Variants in ST8SIA6 observed in about 807,000 individuals in gnomAD.
The protein encoded by ST8SIA6 is alpha-2,8-sialyltransferase 8F.
Under a neutral mutation model 33.6 loss-of-function variants are expected in ST8SIA6, and 39 were observed. The observed-to-expected ratio is 1.16, with a 90% confidence interval of 0.90 to 1.52. ST8SIA6 has a LOEUF of 1.52. Ranked by LOEUF, ST8SIA6 falls within the 40% of genes most tolerant of loss-of-function variation. ST8SIA6 has a pLI of 0.00. For synonymous variants in ST8SIA6, 172 were observed against 167.2 expected, an observed-to-expected ratio of 1.03 and a Z score of -0.22; for missense variants, 441 against 443.8, an observed-to-expected ratio of 0.99 and a Z score of 0.06.
chr10:17,428,852 C>T (rs1006735364), intron 2 of ST8SIA6, among the ~76,000 whole-genome samples: 4 of 152,144 alleles, frequency 2.6e-5, no homozygotes, highest in Non-Finnish European at 5.9e-5. Context: ...GCTATGTTGC[C>T]GACCATCTCG....
At chr10:17,369,858 T>C (rs1459971807) in intron 3 of ST8SIA6, among the ~76,000 whole-genome samples, 1 of 152,226 alleles carries the variant, frequency 6.6e-6, no homozygotes, top group African/African-American at 2.4e-5. Context: ...CCAGCTTTCT[T>C]GTGGTTGCTA....
chr10:17,443,189 G>C (rs113200104), intron 2 of ST8SIA6, among the ~76,000 whole-genome samples: 1 of 152,110 alleles, frequency 6.6e-6, no homozygotes, highest in Non-Finnish European at 1.5e-5. Flanking sequence ...TCCTGAAATA[G>C]CAAAGTACCA....
rs1848242740 is a variant in ST8SIA6, at chr10:17,329,888, A to C, written c.522+1520T>G. 2.0e-5 allele frequency among the ~76,000 whole-genome samples: 3 copies of C among 152,164 alleles called. No homozygotes were observed. In the South Asian group the frequency reaches 6.2e-4, roughly 31 times the overall value. The stretch of plus-strand genomic sequence containing the variant: ...AATCAACTTTTATTTTTTTCTCTGC[A>C]AGTAACTTAGCCAAGTTTGTGGAGG... On this transcript the variant is annotated intron_variant, in intron 5 of 7. Transcript: ENST00000377602.
chr10:17,402,905 C>G (rs1033291079), intron 2 of ST8SIA6, among the ~76,000 whole-genome samples: 2 of 151,982 alleles, frequency 1.3e-5, no homozygotes, highest in Non-Finnish European at 2.9e-5. Flanking sequence ...GCACATGTAC[C>G]CTAGAACTTA....
At chr10:17,378,884 T>C (rs975675646) in intron 3 of ST8SIA6, among the ~76,000 whole-genome samples, 2 of 152,048 alleles carry the variant, frequency 1.3e-5, no homozygotes, top group Non-Finnish European at 2.9e-5. Context: ...CCCAACACTT[T>C]GGGAGGTCAA....
intron 2 of ST8SIA6, among the ~76,000 whole-genome samples, chr10:17,423,688 G>C (rs1255547099): frequency 6.6e-6 from 1 of 152,000 alleles, no homozygotes; most frequent in East Asian, 1.9e-4. Context: ...CTACAGAAAA[G>C]GGGCATGCCC....
intron 4 of ST8SIA6, among the ~76,000 whole-genome samples, chr10:17,351,286 TA>T (rs1026499516): frequency 1.5e-4 from 23 of 151,910 alleles, no homozygotes; most frequent in African/African-American, 4.6e-4. Context: ...CAAGACTAGA[TA>T]TCCAGTTCCT....
At chr10:17,430,305 G>A (rs1406557851) in intron 2 of ST8SIA6, among the ~76,000 whole-genome samples, 1 of 152,130 alleles carries the variant, frequency 6.6e-6, no homozygotes, top group Non-Finnish European at 1.5e-5. Context: ...CATTGGATGG[G>A]CACTTACGTC....
chr10:17,434,414 C>A (rs78393944), intron 2 of ST8SIA6, among the ~76,000 whole-genome samples: 3,498 of 152,216 alleles, frequency 0.023, 141 homozygotes, highest in African/African-American at 0.08. Context: ...GATAAGAGCA[C>A]AGGTTTCCTG....
At chr10:17,429,259 C>T (rs1007443435) in intron 2 of ST8SIA6, among the ~76,000 whole-genome samples, 2 of 152,008 alleles carry the variant, frequency 1.3e-5, no homozygotes, top group Admixed American at 6.6e-5. Context: ...CGACTAACCC[C>T]ACCACCAGCA....
At chr10:17,368,122 G>T (rs192893150) in intron 3 of ST8SIA6, among the ~76,000 whole-genome samples, 8 of 151,174 alleles carry the variant, frequency 5.3e-5, no homozygotes, top group Non-Finnish European at 8.8e-5. Context: ...TCCGCCAGGC[G>T]CAGTGGCTCA....
intron 4 of ST8SIA6, among the ~76,000 whole-genome samples, chr10:17,340,078 C>A (rs1848623563): frequency 6.6e-6 from 1 of 152,224 alleles, no homozygotes; most frequent in African/African-American, 2.4e-5. Context: ...AGGGCTTGCA[C>A]TGCAAAGAAC....
At chr10:17,380,933 TTGTG>T (rs1850127347) in intron 3 of ST8SIA6, among the ~76,000 whole-genome samples, 1 of 151,376 alleles carries the variant, frequency 6.6e-6, no homozygotes, top group Non-Finnish European at 1.5e-5. Flanking sequence ...GTGTGTGTGT[TTGTG>T]TGTATGTGTA....
chr10:17,428,940 C>G (rs544493803), intron 2 of ST8SIA6, among the ~76,000 whole-genome samples: 127 of 152,082 alleles, frequency 8.4e-4, no homozygotes, highest in African/African-American at 2.9e-3. Context: ...GGGGGTTGAA[C>G]GCTGTCAACA....
intron 2 of ST8SIA6, among the ~76,000 whole-genome samples, chr10:17,432,833 G>C (rs1378003247): frequency 6.6e-6 from 1 of 152,124 alleles, no homozygotes; most frequent in South Asian, 2.1e-4. Context: ...CAATCCCAGC[G>C]GCCATACTTC....
At chr10:17,335,875 A>G (rs12245198) in intron 4 of ST8SIA6, among the ~76,000 whole-genome samples, 53,643 of 151,996 alleles carry the variant, frequency 0.35, 10,848 homozygotes, top group African/African-American at 0.54. Context: ...AGGATATTCA[A>G]TGCCCTCAAG....
intron 1 of ST8SIA6, 61 bp from the exon 2 acceptor site, chr10:17,453,718 G>T: frequency 8.3e-7 from 1 of 1,199,070 alleles, no homozygotes; most frequent in Non-Finnish European, 1.1e-6. Flanking sequence ...TGGCTGAAAG[G>T]CTGGGAGTCG....
At chr10:17,323,250 C>CACACACACA in intron 6 of ST8SIA6, 93 bp from the exon 7 acceptor site, 25 of 722,182 alleles carry the variant, frequency 3.5e-5, no homozygotes, top group South Asian at 1.3e-4. Flanking sequence ...CACACACACA[C>CACACACACA]CTATCTATAA....
In ST8SIA6 at chr10:17,320,858, C is replaced by T. The variant is rs1276447503; in HGVS notation, c.*20G>A. The T allele has an allele frequency of 6.2e-7, 1 of 1,600,188 alleles. No individual in the cohort carries two copies. Among genetic ancestry groups the T allele is most frequent in the East Asian group, 2.2e-5 (1 of 44,802 alleles). On this transcript the variant is annotated 3_prime_UTR_variant, in exon 8 of 8. Coordinates refer to ENST00000377602, the MANE Select transcript of ST8SIA6 (RefSeq NM_001004470.3). ...CCTACTGCATTATATTAAAATTATTCCCATTTTAAGATACTTTGTTTAGGC... is the reference window on the plus strand; with the variant it reads ...CCTACTGCATTATATTAAAATTATTTCCATTTTAAGATACTTTGTTTAGGC...
Sources: gnomAD v4.1 joint callset for allele counts (sites outside exome capture counted in the v4.1 genomes callset) on GRCh38, gnomAD v4.1.1 for gene constraint, MANE v1.5 for transcripts, NCBI Gene and HGNC (gene_info 2026-07-23, HGNC 2026-07-21) for gene names.